Variants in ANKRD30BL observed in about 807,000 individuals in gnomAD.
ANKRD30BL encodes the protein putative ankyrin repeat domain-containing protein 30B-like.
In ANKRD30BL, 20 loss-of-function variants were observed where a neutral mutation model predicts 18.4. The ratio of observed to expected loss-of-function variants is 1.09; its 90% CI spans 0.77 to 1.58. ANKRD30BL has a LOEUF of 1.58. Ranked by LOEUF, ANKRD30BL falls within the 40% of genes most tolerant of loss-of-function variation. The probability of loss-of-function intolerance (pLI) is 0.00; values close to 1 mark genes in which losing one functional copy is unlikely to be tolerated. For missense variants in ANKRD30BL, 224 were observed against 268.6 expected (o/e 0.83, Z 1.16); for synonymous variants, 72 against 100.9 (o/e 0.71, Z 1.72).
chr2:132,245,134 G>A (rs80214421), intron 1 of ANKRD30BL, among the ~76,000 whole-genome samples: 64 of 822 alleles, frequency 0.078, no homozygotes, highest in Middle Eastern at 0.12. Flanking sequence ...ATTCTCAGAA[G>A]CTGCTTTTTG....
intron 1 of ANKRD30BL, among the ~76,000 whole-genome samples, chr2:132,243,812 C>T (rs943279058): frequency 9.9e-5 from 15 of 151,880 alleles, no homozygotes; most frequent in Non-Finnish European, 3.0e-5. Context: ...TTGAACATTC[C>T]TTTACATTGA....
At chr2:132,220,589 C>G (rs1257496914) in intron 1 of ANKRD30BL, among the ~76,000 whole-genome samples, 7 of 152,200 alleles carry the variant, frequency 4.6e-5, no homozygotes, top group South Asian at 2.1e-4. Context: ...CGGTCTCCAG[C>G]TCCTAACCGC....
At chr2:132,254,224 G>C (rs1047758818) in intron 1 of ANKRD30BL, among the ~76,000 whole-genome samples, 1 of 151,936 alleles carries the variant, frequency 6.6e-6, no homozygotes, top group Non-Finnish European at 1.5e-5. Context: ...TCTGGCTCTC[G>C]GGGCAGGTGG....
chr2:132,252,673 G>A (rs112970998), intron 1 of ANKRD30BL, among the ~76,000 whole-genome samples: 4,760 of 152,112 alleles, frequency 0.031, 260 homozygotes, highest in African/African-American at 0.11. Flanking sequence ...CGACTGTGAC[G>A]TGCTCCCCCA....
At chr2:132,155,295 A>G (rs1687871738) in intron 3 of ANKRD30BL, 1 of 152,196 alleles carries the variant, frequency 6.6e-6, no homozygotes, top group Non-Finnish European at 1.5e-5. Flanking sequence ...CCTAATCCTT[A>G]TTTGACAGTA....
intron 1 of ANKRD30BL, among the ~76,000 whole-genome samples, chr2:132,198,816 C>A (rs7559739): frequency 0.023 from 3,528 of 152,092 alleles, 126 homozygotes; most frequent in African/African-American, 0.081. Flanking sequence ...CGACGTTTCG[C>A]CATGTTGGCT....
chr2:132,153,248 G>T (rs774486175), intron 4 of ANKRD30BL, among the ~76,000 whole-genome samples: 1 of 152,186 alleles, frequency 6.6e-6, no homozygotes, highest in Non-Finnish European at 1.5e-5. Flanking sequence ...AGGTATGGAA[G>T]ACAGCCCCCT....
At chr2:132,186,242 ATAGT>A (rs1688557915) in intron 1 of ANKRD30BL, among the ~76,000 whole-genome samples, 1 of 152,180 alleles carries the variant, frequency 6.6e-6, no homozygotes, top group Admixed American at 6.5e-5. Context: ...GAAATAACTA[ATAGT>A]TAATAAGAAA....
rs564126678 is a variant in ANKRD30BL, at chr2:132,242,849, C to A, written n.441+14680G>T. ...AGAATCTGCAAGTGGCCATTTTGTG[C>A]GATTTGAGACCTGTGGTGAAAAAGG... On this transcript the variant is annotated intron_variant and non_coding_transcript_variant, in intron 1 of 4. Transcript: ENST00000470729. Among the ~76,000 whole-genome samples, 578 of 150,988 alleles carry A rather than the reference C, an allele frequency of 3.8e-3. 7 individuals carry two copies. The highest frequency in any genetic ancestry group is 0.027 in the South Asian group (131 of 4,798).
At chr2:132,222,863 A>AG (rs1679732044) in intron 1 of ANKRD30BL, among the ~76,000 whole-genome samples, 1 of 145,296 alleles carries the variant, frequency 6.9e-6, no homozygotes, top group African/African-American at 2.7e-5. Flanking sequence ...AAAAAAAAAA[A>AG]AGAAACACTG....
Position 132,161,616 on chromosome 2 carries a change from G to A in ANKRD30BL, c.90C>T (p.Asp30=), listed in dbSNP as rs1171049140. 2.8e-6 allele frequency: 4 copies of A among 1,452,432 alleles called. No individual in the cohort carries two copies. In the Admixed American group the frequency reaches 5.9e-5, roughly 21 times the overall value. The allele number at this position is 1,452,432 out of a possible 1,614,324, so 90.0% of individuals were successfully genotyped here. A position where few individuals can be genotyped will look rare whatever the true frequency, so the allele number is the denominator to read the frequency against. Residue 30 remains aspartate, a synonymous_variant, in exon 1 of 6, where the codon GAC becomes GAT. Transcript: ENST00000409867. ...PFSQLVYTNN[D]SYVIHHGDLR... is the part of the protein sequence containing the mutation. ...GATCCCCATGGTGAATCACGTAAGA[G>A]TCGTTGTTGGTGTAGACCAGCTGAC... is the stretch of plus-strand genomic sequence containing the variant.
rs187083115 is a variant in ANKRD30BL at position 132,187,952 on chromosome 2, G to A, written n.442-30806C>T. The stretch of plus-strand genomic sequence containing the variant: ...TTCTGTAATTTTTTTAGTAGACCAT[G>A]TTGGCCTGGCTGGTCTCGAACTAAC... On this transcript the variant is annotated intron_variant and non_coding_transcript_variant, in intron 1 of 4. Coordinates refer to the ANKRD30BL transcript ENST00000470729. Among the ~76,000 whole-genome samples the A allele has an allele frequency of 1.4e-4, 22 of 152,124 alleles. No homozygotes were observed. In the East Asian group the frequency reaches 3.7e-3, roughly 26 times the overall value.
intron 1 of ANKRD30BL, among the ~76,000 whole-genome samples, chr2:132,210,261 C>T (rs569312749): frequency 6.6e-6 from 1 of 151,810 alleles, no homozygotes; most frequent in Non-Finnish European, 1.5e-5. Context: ...ATTCATGTCT[C>T]AGAGATGAAC....
intron 1 of ANKRD30BL, among the ~76,000 whole-genome samples, chr2:132,185,076 T>G (rs1688540437): frequency 6.6e-6 from 1 of 152,182 alleles, no homozygotes; most frequent in African/African-American, 2.4e-5. Context: ...CCTCCCAAAG[T>G]GCTGGGATTA....
At chr2:132,245,592 G>A (rs75810450) in intron 1 of ANKRD30BL, among the ~76,000 whole-genome samples, 6 of 151,502 alleles carry the variant, frequency 4.0e-5, no homozygotes, top group Non-Finnish European at 7.4e-5. Context: ...ACTTTGAGGC[G>A]TATGGTGAAA....
intron 1 of ANKRD30BL, among the ~76,000 whole-genome samples, chr2:132,207,066 A>G (rs560476724): frequency 6.6e-6 from 1 of 152,260 alleles, no homozygotes; most frequent in South Asian, 2.1e-4. Context: ...TCATAATTAT[A>G]CAGCATCTGC....
At chr2:132,236,151 A>T (rs1332381094) in intron 1 of ANKRD30BL, among the ~76,000 whole-genome samples, 1 of 152,100 alleles carries the variant, frequency 6.6e-6, no homozygotes, top group East Asian at 1.9e-4. Context: ...GAAAGCTGAA[A>T]CTGGATCCCT....
intron 1 of ANKRD30BL, among the ~76,000 whole-genome samples, chr2:132,246,006 C>T (rs548873350): frequency 4.0e-5 from 6 of 150,772 alleles, no homozygotes; most frequent in South Asian, 2.1e-4. Flanking sequence ...TTGTGATGTG[C>T]GTACTCCAAC....
In ANKRD30BL at chr2:132,229,788, T is replaced by C. The variant is rs1286045522; in HGVS notation, n.441+27741A>G. Among the ~76,000 whole-genome samples the C allele has an allele frequency of 2.6e-5, 4 of 152,222 alleles. No individual in the cohort carries two copies. The East Asian group carries it at 7.7e-4, about 29-fold the overall frequency. On this transcript the variant is annotated intron_variant and non_coding_transcript_variant, in intron 1 of 4. Transcript: ENST00000470729. ...TTGAGGACTATGGTGGGAAAGGAAA[T>C]ATCTTCACATAAAAACTAGACAGAA...
Sources: gnomAD v4.1 joint callset for allele counts (sites outside exome capture counted in the v4.1 genomes callset) on GRCh38, gnomAD v4.1.1 for gene constraint, MANE v1.5 for transcripts, NCBI Gene and HGNC (gene_info 2026-07-23, HGNC 2026-07-21) for gene names.